CCDC125: variants seen among roughly 807,000 people sequenced by gnomAD.
CCDC125 encodes the protein coiled-coil domain-containing protein 125.
CCDC125 carries 43 observed loss-of-function variants against 57.4 expected under a neutral mutation model. That is an observed-to-expected ratio of 0.75 (90% CI 0.59 to 0.97). The LOEUF is 0.97. Ranked by LOEUF, CCDC125 falls within the 50% of genes least tolerant of loss-of-function variation. The pLI, the probability that CCDC125 is intolerant of heterozygous loss-of-function variation, is 0.00. For synonymous variants in CCDC125, 187 were observed against 195.2 expected, an observed-to-expected ratio of 0.96 and a Z score of 0.35; for missense variants, 563 against 595.7, an observed-to-expected ratio of 0.95 and a Z score of 0.57.
chr5:69,281,611 CTG>C lies in CCDC125; in HGVS notation c.*1116_*1117del, dbSNP rs1400140259. The C allele has an allele frequency of 6.6e-6, 1 of 152,174 alleles. No homozygotes were observed. The highest frequency in any genetic ancestry group is 2.4e-5 in the African/African-American group (1 of 41,454). The allele number at this position is 152,174 out of a possible 1,614,324, so 9.4% of individuals were successfully genotyped here. A position where few individuals can be genotyped will look rare whatever the true frequency, so the allele number is the denominator to read the frequency against. On this transcript the variant is annotated 3_prime_UTR_variant, in exon 12 of 12. Coordinates refer to ENST00000396496, the MANE Select transcript of CCDC125 (RefSeq NM_176816.5). Reference sequence around the variant, plus strand: ...TTCTGCCAAGGTCCCACCATCAAAACTGTCTTATTGAAGTTAACTTAAGGAAA... The same window carrying C: ...TTCTGCCAAGGTCCCACCATCAAAACTCTTATTGAAGTTAACTTAAGGAAA...
At position 69,292,263 on chromosome 5, in the gene CCDC125, G is replaced by A; in HGVS notation, c.1024C>T (p.Leu342=). Residue 342 remains leucine, a synonymous_variant, in exon 10 of 12, where the codon CTA becomes TTA. Coordinates refer to ENST00000396496, the MANE Select transcript of CCDC125 (RefSeq NM_176816.5). ...QQLMRKNDQA[L]QLTQMDKMHK... is the part of the protein sequence containing the mutation. ...ATTTTATCCATTTGTGTCAATTGTA[G>A]TGCCTGGTCATTTTTTCTCATTAAT... is the stretch of plus-strand genomic sequence containing the variant. 1 of 1,613,578 alleles carries A rather than the reference G, an allele frequency of 6.2e-7. No homozygotes were observed. The highest frequency in any genetic ancestry group is 8.5e-7 in the Non-Finnish European group (1 of 1,179,778).
chr5:69,303,271 A>G (rs1171141259), intron 7 of CCDC125, among the ~76,000 whole-genome samples: 1 of 151,946 alleles, frequency 6.6e-6, no homozygotes, highest in Non-Finnish European at 1.5e-5. Context: ...GCTGGTCTCA[A>G]ACTCCTAAGC....
chr5:69,295,666 G>A (rs542379395), intron 8 of CCDC125, among the ~76,000 whole-genome samples: 19 of 152,204 alleles, frequency 1.2e-4, no homozygotes, highest in African/African-American at 4.3e-4. Flanking sequence ...AGATGACTTC[G>A]AAAAGAACCC....
chr5:69,276,979 G>A, downstream of CCDC125: 1 of 778,296 alleles, frequency 1.3e-6, no homozygotes, highest in Non-Finnish European at 2.1e-6. Context: ...TTTAACAAGT[G>A]CTACTGGAAA....
chr5:69,276,796 A>C (rs1752193568), downstream of CCDC125: 1 of 963,378 alleles, frequency 1.0e-6, no homozygotes, highest in South Asian at 1.7e-5. Flanking sequence ...CTTGCTAGCT[A>C]TTTAATTTTT....
chr5:69,286,792 C>G (rs1393757888), intron 10 of CCDC125, among the ~76,000 whole-genome samples: 1 of 152,022 alleles, frequency 6.6e-6, no homozygotes, highest in Non-Finnish European at 1.5e-5. Context: ...AGATCCCCTT[C>G]CCACCAATCC....
At chr5:69,297,886 T>A (rs939971435) in intron 8 of CCDC125, among the ~76,000 whole-genome samples, 1 of 151,360 alleles carries the variant, frequency 6.6e-6, no homozygotes, top group Admixed American at 6.6e-5. Flanking sequence ...GGTCAGAGGA[T>A]CACTTGAGCC....
At chr5:69,283,768 G>A in intron 11 of CCDC125, among the ~76,000 whole-genome samples, 1 of 149,200 alleles carries the variant, frequency 6.7e-6, no homozygotes. Flanking sequence ...AATTACAGAT[G>A]TGTGCCACCA....
rs1752506357 is a variant in CCDC125, at chr5:69,281,860, T to C, written c.*869A>G. ...TGTTTTTCCCAAAAATCATTATTTT[T>C]TGTTTTAGGATGTTGGCAAACACTG... On this transcript the variant is annotated 3_prime_UTR_variant, in exon 12 of 12. Transcript: ENST00000396496. 1 of 151,924 alleles carries C rather than the reference T, an allele frequency of 6.6e-6. No homozygotes were observed. Among genetic ancestry groups the C allele is most frequent in the African/African-American group, 2.4e-5 (1 of 41,374 alleles). 9.4% of individuals were successfully genotyped at this position (151,924 alleles called of 1,614,324 possible). A position where few individuals can be genotyped will look rare whatever the true frequency, so the allele number is the denominator to read the frequency against.
chr5:69,313,312 C>T (rs1758461041), intron 3 of CCDC125: 16 of 782,392 alleles, frequency 2.0e-5, no homozygotes, highest in Non-Finnish European at 3.4e-5. Context: ...GGGCAGCCTG[C>T]AACCCCCGAG....
chr5:69,312,740 T>C (rs535746763), intron 3 of CCDC125, among the ~76,000 whole-genome samples: 38 of 152,282 alleles, frequency 2.5e-4, no homozygotes, highest in African/African-American at 7.7e-4. Flanking sequence ...AGGAGGCCAG[T>C]TGAAAAAGAT....
intron 1 of CCDC125, among the ~76,000 whole-genome samples, chr5:69,322,143 G>GT (rs1195617332): frequency 6.0e-4 from 88 of 147,866 alleles, no homozygotes; most frequent in East Asian, 1.4e-3. Flanking sequence ...GCCCAGCTGG[G>GT]TTTTTTTTTT....
At chr5:69,323,341 A>G (rs1760336502) in intron 1 of CCDC125, among the ~76,000 whole-genome samples, 1 of 152,082 alleles carries the variant, frequency 6.6e-6, no homozygotes, top group Non-Finnish European at 1.5e-5. Flanking sequence ...TTGTTAATCA[A>G]AAAGGTATCA....
rs76508693 is a variant in CCDC125 at position 69,330,297 on chromosome 5, G to A, written c.-41+2352C>T. Among the ~76,000 whole-genome samples, 580 of 152,160 alleles carry A rather than the reference G, an allele frequency of 3.8e-3. 3 individuals carry two copies. The highest frequency in any genetic ancestry group is 5.9e-3 in the Non-Finnish European group (403 of 67,996). On this transcript the variant is annotated intron_variant, in intron 1 of 11. Coordinates refer to ENST00000396496, the MANE Select transcript of CCDC125 (RefSeq NM_176816.5). ...TCCACCAGCAATCCAAGCACATCTT[G>A]CTCAAAAACAAATTCACCGCCGGGC...
intron 7 of CCDC125, among the ~76,000 whole-genome samples, chr5:69,301,374 C>T (rs2150421505): frequency 6.6e-6 from 1 of 152,248 alleles, no homozygotes; most frequent in Non-Finnish European, 1.5e-5. Context: ...TGGCTCACAC[C>T]TGTAATCCCA....
intron 1 of CCDC125, among the ~76,000 whole-genome samples, chr5:69,331,630 C>T (rs1159595104): frequency 6.6e-6 from 1 of 152,240 alleles, no homozygotes; most frequent in Non-Finnish European, 1.5e-5. Context: ...CCAGTTTCAT[C>T]TGGCAGTACT....
Position 69,281,583 on chromosome 5 carries a change from T to C in CCDC125, c.*1146A>G, listed in dbSNP as rs577384368. On this transcript the variant is annotated 3_prime_UTR_variant, in exon 12 of 12. Transcript: ENST00000396496. The stretch of plus-strand genomic sequence containing the variant: ...GAACGCAGCCGGCACTGACTCAATA[T>C]ACTTCTGCCAAGGTCCCACCATCAA... 1 of 152,316 alleles carries C rather than the reference T, an allele frequency of 6.6e-6. No individual in the cohort carries two copies. The highest frequency in any genetic ancestry group is 1.5e-5 in the Non-Finnish European group (1 of 68,028). The allele number at this position is 152,316 out of a possible 1,614,324, so 9.4% of individuals were successfully genotyped here. A position where few individuals can be genotyped will look rare whatever the true frequency, so the allele number is the denominator to read the frequency against.
At chr5:69,330,930 GTC>G (rs1029061575) in intron 1 of CCDC125, among the ~76,000 whole-genome samples, 11 of 152,156 alleles carry the variant, frequency 7.2e-5, no homozygotes, top group South Asian at 4.2e-4. Flanking sequence ...ACCGAATGAT[GTC>G]TCTCTCTTGC....
intron 1 of CCDC125, among the ~76,000 whole-genome samples, chr5:69,327,440 C>T (rs1001392742): frequency 1.3e-5 from 2 of 152,134 alleles, no homozygotes; most frequent in Non-Finnish European, 2.9e-5. Flanking sequence ...CATGAAATAC[C>T]ATACAAATTA....
Sources: gnomAD v4.1 joint callset for allele counts (sites outside exome capture counted in the v4.1 genomes callset) on GRCh38, gnomAD v4.1.1 for gene constraint, MANE v1.5 for transcripts, NCBI Gene and HGNC (gene_info 2026-07-23, HGNC 2026-07-21) for gene names.